The following SLC7A11 variants were observed in gnomAD, a reference collection of about 807,000 sequenced individuals.
SLC7A11 encodes solute carrier family 7 member 11, also known as cystine/glutamate transporter.
In SLC7A11, 35 loss-of-function variants were observed where a neutral mutation model predicts 54.5. The ratio of observed to expected loss-of-function variants is 0.64; its 90% CI spans 0.49 to 0.85. SLC7A11 has a LOEUF of 0.85. Ranked by LOEUF, SLC7A11 falls within the 40% of genes least tolerant of loss-of-function variation. SLC7A11 has a pLI of 0.00. For missense variants in SLC7A11, 583 were observed against 618.1 expected (o/e 0.94, Z 0.60); for synonymous variants, 230 against 225.2 (o/e 1.02, Z -0.19).
chr4:138,177,355 C>T (rs1736598863), intron 11 of SLC7A11: 1 of 151,950 alleles, frequency 6.6e-6, no homozygotes, highest in South Asian at 2.1e-4. Flanking sequence ...CTAAACTCAC[C>T]ACATTCACCA....
chr4:138,202,341 A>C (rs1737307638), intron 6 of SLC7A11, among the ~76,000 whole-genome samples: 1 of 152,036 alleles, frequency 6.6e-6, no homozygotes, highest in Admixed American at 6.6e-5. Context: ...TATAGGTTGG[A>C]TATGATCCTA....
In SLC7A11 at chr4:138,185,166, C is replaced by G. The variant is rs763436187; in HGVS notation, c.870G>C (p.Thr290=). 1 of 1,612,830 alleles carries G rather than the reference C, an allele frequency of 6.2e-7. No individual in the cohort carries two copies. The highest frequency in any genetic ancestry group is 1.7e-5 in the Admixed American group (1 of 59,938). Residue 290 remains threonine, a synonymous_variant, in exon 7 of 12, where the codon ACG becomes ACC. Transcript: ENST00000280612. ...GYVLTNVAYF[T]TINAEELLLS... ...GCAGCAGCTCCTCAGCATTAATGGT[C>G]GTAAAGTAGGCCACATTTGTCAGCA...
At chr4:138,229,969 T>G (rs1310825204) in intron 3 of SLC7A11, among the ~76,000 whole-genome samples, 2 of 152,160 alleles carry the variant, frequency 1.3e-5, no homozygotes, top group Non-Finnish European at 2.9e-5. Flanking sequence ...GCCTCAGTCA[T>G]TCAAGGGACA....
Position 138,171,749 on chromosome 4 carries a change from C to A in SLC7A11, c.*207G>T. On this transcript the variant is annotated 3_prime_UTR_variant, in exon 12 of 12. Coordinates refer to ENST00000280612, the MANE Select transcript of SLC7A11 (RefSeq NM_014331.4). ...AAGAATTGTGCGACTCATAGAATAA[C>A]TGCATATTCACTTTCTATAACTACA... The A allele has an allele frequency of 1.8e-6, 1 of 552,828 alleles. No homozygotes were observed. Among genetic ancestry groups the A allele is most frequent in the South Asian group, 2.7e-5 (1 of 37,056 alleles). The allele number at this position is 552,828 out of a possible 1,614,324, so 34.2% of individuals were successfully genotyped here. A position where few individuals can be genotyped will look rare whatever the true frequency, so the allele number is the denominator to read the frequency against.
intron 1 of SLC7A11, among the ~76,000 whole-genome samples, chr4:138,237,757 T>A (rs1192085045): frequency 8.3e-4 from 43 of 52,118 alleles, no homozygotes; most frequent in South Asian, 1.5e-3. Context: ...TTTTTTTTTT[T>A]TTTTTTTTTT....
Position 138,242,206 on chromosome 4 carries a change from G to GA in SLC7A11, c.-138dup. On this transcript the variant is annotated 5_prime_UTR_variant, in exon 1 of 12. Coordinates refer to ENST00000280612, the MANE Select transcript of SLC7A11 (RefSeq NM_014331.4). ...TCTCAGCGCTATAGTGTTCACAGGT[G>GA]AAAACTCAAAGGTGTGCTTTTTCCT... 9.8e-7 allele frequency: 1 copy of GA among 1,017,412 alleles called. No individual in the cohort carries two copies. Among genetic ancestry groups the GA allele is most frequent in the Non-Finnish European group, 1.4e-6 (1 of 709,288 alleles). The allele number at this position is 1,017,412 out of a possible 1,614,324, so 63.0% of individuals were successfully genotyped here. A position where few individuals can be genotyped will look rare whatever the true frequency, so the allele number is the denominator to read the frequency against.
intron 6 of SLC7A11, among the ~76,000 whole-genome samples, chr4:138,198,076 T>G (rs1737183869): frequency 6.6e-6 from 1 of 151,092 alleles, no homozygotes; most frequent in South Asian, 2.1e-4. Context: ...AGAGCCTATA[T>G]TATATCAGGT....
chr4:138,237,712 TATATATATATATATATATATA>T (rs1738248421), intron 1 of SLC7A11, among the ~76,000 whole-genome samples: 2 of 6,390 alleles, frequency 3.1e-4, no homozygotes, highest in Non-Finnish European at 6.4e-4. Flanking sequence ...TATATATATA[TATATATATATATATATATATA>T]TATATTTTTT....
intron 4 of SLC7A11, among the ~76,000 whole-genome samples, chr4:138,220,634 T>A (rs1737788947): frequency 6.6e-6 from 1 of 152,220 alleles, no homozygotes. Context: ...AAATTCAGAT[T>A]TACTTTAGTC....
intron 6 of SLC7A11, among the ~76,000 whole-genome samples, chr4:138,192,957 A>AGGCAAC (rs1388662291): frequency 2.0e-5 from 3 of 152,218 alleles, no homozygotes; most frequent in African/African-American, 7.2e-5. Context: ...GCTAAAAACA[A>AGGCAAC]GGCAACATAA....
intron 11 of SLC7A11, among the ~76,000 whole-genome samples, chr4:138,172,304 A>G (rs1351524360): frequency 6.6e-6 from 1 of 152,244 alleles, no homozygotes; most frequent in Non-Finnish European, 1.5e-5. Context: ...TTGAAACAGT[A>G]GGACCAATAT....
chr4:138,199,307 ATTTG>A (rs995322993), intron 6 of SLC7A11, among the ~76,000 whole-genome samples: 30 of 152,152 alleles, frequency 2.0e-4, no homozygotes, highest in African/African-American at 6.8e-4. Context: ...GGCATTTTAA[ATTTG>A]TTTATCTATT....
At chr4:138,228,485 G>A (rs58770357) in intron 3 of SLC7A11, among the ~76,000 whole-genome samples, 22,348 of 151,944 alleles carry the variant, frequency 0.15, 1,806 homozygotes, top group East Asian at 0.24. Flanking sequence ...CAGGTCGGGC[G>A]CGATGGCTCA....
At chr4:138,223,954 G>C (rs976261877) in intron 3 of SLC7A11, among the ~76,000 whole-genome samples, 13 of 152,126 alleles carry the variant, frequency 8.5e-5, no homozygotes, top group Admixed American at 6.5e-4. Context: ...GAGTGCAAAA[G>C]ACTAACCAGG....
chr4:138,186,026 G>A (rs1380618672), intron 6 of SLC7A11, among the ~76,000 whole-genome samples: 4 of 152,024 alleles, frequency 2.6e-5, no homozygotes, highest in African/African-American at 9.7e-5. Flanking sequence ...ACGGACGACC[G>A]GACAGTGCTG....
intron 4 of SLC7A11, among the ~76,000 whole-genome samples, chr4:138,220,936 A>C (rs1373661431): frequency 6.6e-6 from 1 of 152,206 alleles, no homozygotes; most frequent in Non-Finnish European, 1.5e-5. Context: ...TTTTCTCTCA[A>C]ATGATTCCCA....
At chr4:138,191,239 T>G (rs1232138170) in intron 6 of SLC7A11, among the ~76,000 whole-genome samples, 1 of 152,166 alleles carries the variant, frequency 6.6e-6, no homozygotes, top group Non-Finnish European at 1.5e-5. Flanking sequence ...CACAGTGATC[T>G]CACTGATTTC....
chr4:138,241,966 T>C lies in SLC7A11; in HGVS notation c.104A>G (p.Gln35Arg). 6.2e-7 allele frequency: 1 copy of C among 1,614,206 alleles called. No homozygotes were observed. Among genetic ancestry groups the C allele is most frequent in the Non-Finnish European group, 8.5e-7 (1 of 1,180,032 alleles). The part of the protein sequence containing the change: ...PSLGNKEPPG[Q>R]EKVQLKRKVT... The stretch of plus-strand genomic sequence containing the variant: ...TTTCCTCTTCAGCTGCACTTTCTCC[T>C]GCCCAGGTGGCTCCTTGTTGCCCAG... The change falls in exon 1 of 12, where the codon CAG (glutamine) becomes CGG (arginine). Residue 35 changes from glutamine to arginine, a missense_variant. Physicochemically the swap from Gln to Arg is conservative, Grantham distance 43. Transcript: ENST00000280612.
In SLC7A11 at chr4:138,171,942, T is replaced by G. The variant is rs924026429; in HGVS notation, c.*14A>C. ...TCCCCTTGGGCAGATTGCCAAGATC[T>G]CAAGTCCATTAGTTCATAACTTATC... is the stretch of plus-strand genomic sequence containing the variant. On this transcript the variant is annotated 3_prime_UTR_variant, in exon 12 of 12. Coordinates refer to ENST00000280612, the MANE Select transcript of SLC7A11 (RefSeq NM_014331.4). 6.3e-7 allele frequency: 1 copy of G among 1,582,372 alleles called. No homozygotes were observed. Among genetic ancestry groups the G allele is most frequent in the South Asian group, 1.2e-5 (1 of 84,058 alleles).
Sources: allele counts gnomAD v4.1 joint callset (sites outside exome capture counted in the v4.1 genomes callset), GRCh38; gene constraint gnomAD v4.1.1; transcripts MANE v1.5; gene names NCBI Gene and HGNC (gene_info 2026-07-23, HGNC 2026-07-21).